The following MIB1 variants were observed in gnomAD, a reference collection of about 807,000 sequenced individuals.
MIB1 encodes MIB E3 ubiquitin protein ligase 1.
In MIB1, 278 loss-of-function variants were observed where a neutral mutation model predicts 124.5. That is an observed-to-expected ratio of 2.23 (90% CI 2.02 to 2.47). The LOEUF is 2.47. Ranked by LOEUF, MIB1 falls within the 30% of genes most tolerant of loss-of-function variation. The pLI is 0.00. For synonymous variants in MIB1, 446 were observed against 429.4 expected (o/e 1.04, Z -0.48); for missense variants, 957 against 1,254.4 (o/e 0.76, Z 3.58).
intron 20 of MIB1, among the ~76,000 whole-genome samples, chr18:21,864,171 C>T (rs528113335): frequency 2.6e-5 from 4 of 152,214 alleles, no homozygotes; most frequent in East Asian, 1.9e-4. Context: ...ATCACAGCGG[C>T]GCGATCTTGG....
At chr18:21,770,736 A>G (rs1875732404) in intron 3 of MIB1, among the ~76,000 whole-genome samples, 1 of 152,134 alleles carries the variant, frequency 6.6e-6, no homozygotes, top group African/African-American at 2.4e-5. Context: ...GCTCTTTATT[A>G]TGGAGTATTT....
intron 6 of MIB1, among the ~76,000 whole-genome samples, chr18:21,785,214 T>C (rs2041420940): frequency 6.6e-6 from 1 of 152,018 alleles, no homozygotes; most frequent in African/African-American, 2.4e-5. Context: ...CTCACACTCC[T>C]TACCCTGCCC....
chr18:21,800,105 T>A (rs188279383), intron 9 of MIB1, 131 bp downstream of exon 9: 1 of 671,250 alleles, frequency 1.5e-6, no homozygotes, highest in East Asian at 2.8e-5. Context: ...TGTGAAGTAT[T>A]TTAAAGCAGA....
In MIB1 at chr18:21,741,031, C is replaced by T. The variant is rs1320599071; in HGVS notation, c.-553C>T. ...TGGTGCGGGGGCAGAGAGAAGGGGG[C>T]CTGAGGGCCCGGGCGCTCGCCGGAC... is the stretch of plus-strand genomic sequence containing the variant. On this transcript the variant is annotated 5_prime_UTR_variant, in exon 1 of 21. Transcript: ENST00000261537. The surrounding 1 kb of genome is among the most constrained non-coding windows in gnomAD (Gnocchi z 5.4). 6.6e-6 allele frequency among the ~76,000 whole-genome samples: 1 copy of T among 152,070 alleles called. No individual in the cohort carries two copies. The highest frequency in any genetic ancestry group is 1.5e-5 in the Non-Finnish European group (1 of 67,972).
chr18:21,805,792 C>T (rs2041698101), intron 10 of MIB1, among the ~76,000 whole-genome samples: 1 of 151,310 alleles, frequency 6.6e-6, no homozygotes, highest in Non-Finnish European at 1.5e-5. Context: ...CATATATTTG[C>T]GTTTCTAGAG....
intron 6 of MIB1, among the ~76,000 whole-genome samples, chr18:21,781,388 TATATATATATATATATATATATATATAA>T (rs1282363108): frequency 1.1e-3 from 73 of 65,764 alleles, no homozygotes; most frequent in Middle Eastern, 0.018. Flanking sequence ...TATATATATA[TATATATATATATATATATATATATATAA>T]AATTATTATT....
At position 21,861,016 on chromosome 18, in the gene MIB1, A is replaced by T. The variant is rs2042272023; in HGVS notation, c.2880+2370A>T. 3.3e-5 allele frequency among the ~76,000 whole-genome samples: 5 copies of T among 152,182 alleles called. No individual in the cohort carries two copies. In the South Asian group the frequency reaches 1.0e-3, roughly 32 times the overall value. ...ACAGCGCCACTACACTCCATCCCAGACGGCAGAGTGAGAAACCATCTCTTT... is the reference window on the plus strand; with the variant it reads ...ACAGCGCCACTACACTCCATCCCAGTCGGCAGAGTGAGAAACCATCTCTTT... On this transcript the variant is annotated intron_variant, in intron 20 of 20. Transcript: ENST00000261537.
At chr18:21,715,664 A>T (rs193102364) in intron 1 of MIB1, among the ~76,000 whole-genome samples, 53 of 152,046 alleles carry the variant, frequency 3.5e-4, no homozygotes, top group Non-Finnish European at 1.9e-4. Flanking sequence ...TATCATAAAT[A>T]AAAAAAATCA....
Position 21,778,096 on chromosome 18 carries a change from T to A in MIB1, c.637-7T>A. 6.2e-7 allele frequency: 1 copy of A among 1,608,478 alleles called. No individual in the cohort carries two copies. The highest frequency in any genetic ancestry group is 8.5e-7 in the Non-Finnish European group (1 of 1,175,346). On this transcript the variant is annotated splice_region_variant and splice_polypyrimidine_tract_variant and intron_variant, in intron 4 of 20. Transcript: ENST00000261537. Reference sequence around the variant, plus strand: ...TGGGTGATTTTTCTGGTTTCTTTTCTTCTTAGTCTGATCTGAAATGTGTCC... The same window carrying A: ...TGGGTGATTTTTCTGGTTTCTTTTCATCTTAGTCTGATCTGAAATGTGTCC...
chr18:21,741,716 C>G lies in MIB1; in HGVS notation c.133C>G (p.Pro45Ala). 1 of 1,611,624 alleles carries G rather than the reference C, an allele frequency of 6.2e-7. No homozygotes were observed. Reference sequence around the variant, plus strand: ...GGGCACCGTCCGGAGCTTCGAGAGCCCCGAGGAGGTGGTGGTAGTGTGGGA... The same window carrying G: ...GGGCACCGTCCGGAGCTTCGAGAGCGCCGAGGAGGTGGTGGTAGTGTGGGA... ...HVGTVRSFES[P>A]EEVVVVWDNG... The change falls in exon 1 of 21, where the codon CCC becomes GCC. Residue 45 changes from proline to alanine, a missense_variant. By Grantham distance (27) the Pro-to-Ala change is conservative. Coordinates refer to ENST00000261537, the MANE Select transcript of MIB1 (RefSeq NM_020774.4). The surrounding 1 kb of genome is among the most constrained non-coding windows in gnomAD (Gnocchi z 5.4).
intron 8 of MIB1, among the ~76,000 whole-genome samples, 165 bp downstream of exon 8, chr18:21,798,393 T>G (rs905988930): frequency 2.6e-5 from 4 of 152,080 alleles, no homozygotes; most frequent in Non-Finnish European, 2.9e-5. Flanking sequence ...TCACTAAAAA[T>G]TTTTGTTTTT....
intron 1 of MIB1, among the ~76,000 whole-genome samples, chr18:21,717,639 G>GA (rs1239495383): frequency 6.6e-6 from 1 of 151,908 alleles, no homozygotes; most frequent in Non-Finnish European, 1.5e-5. Flanking sequence ...AAAAAAATAT[G>GA]AAAAAATCCT....
intron 1 of MIB1, among the ~76,000 whole-genome samples, chr18:21,756,934 A>G (rs754401723): frequency 3.3e-5 from 5 of 152,202 alleles, no homozygotes; most frequent in Non-Finnish European, 7.3e-5. Flanking sequence ...CTTGTAATAG[A>G]CTGGCAGAGG....
intron 1 of MIB1, among the ~76,000 whole-genome samples, chr18:21,733,058 A>G (rs886825196): frequency 6.6e-6 from 1 of 152,098 alleles, no homozygotes; most frequent in East Asian, 1.9e-4. Flanking sequence ...CTTGGTAGCC[A>G]TTGCTTTGAT....
chr18:21,844,147 CT>C lies in MIB1; in HGVS notation c.2108del (p.Leu703CysfsTer5). ...LDIQDKDGDT[P>X]LHEALRHHTL... ...ATTCAGGATAAGGATGGGGATACTCCTTTGCATGAAGCTCTAAGGCATCACA... is the reference window on the plus strand; with the variant it reads ...ATTCAGGATAAGGATGGGGATACTCCTTGCATGAAGCTCTAAGGCATCACA... On this transcript the variant is annotated frameshift_variant, in exon 15 of 21. Transcript: ENST00000261537. LOFTEE classifies it high-confidence loss of function. 2 of 1,614,048 alleles carry C rather than the reference CT, an allele frequency of 1.2e-6. No homozygotes were observed. The highest frequency in any genetic ancestry group is 1.7e-6 in the Non-Finnish European group (2 of 1,179,986).
intron 20 of MIB1, among the ~76,000 whole-genome samples, chr18:21,862,984 G>T (rs537615961): frequency 6.6e-6 from 1 of 151,976 alleles, no homozygotes; most frequent in African/African-American, 2.4e-5. Flanking sequence ...AGGTTTTTTT[G>T]TTTGTTTGTT....
intron 13 of MIB1, among the ~76,000 whole-genome samples, chr18:21,842,876 A>T (rs1163103366): frequency 1.3e-5 from 2 of 152,136 alleles, no homozygotes; most frequent in African/African-American, 2.4e-5. Flanking sequence ...TGTCCTTTTT[A>T]ACTGTTCTTG....
chr18:21,768,473 G>A (rs927687531), intron 2 of MIB1, 150 bp from the exon 3 acceptor site: 1 of 472,238 alleles, frequency 2.1e-6, no homozygotes. Flanking sequence ...GAATATAAAA[G>A]GTATTCCTGT....
At chr18:21,825,668 C>G in intron 12 of MIB1, 1 of 524,056 alleles carries the variant, frequency 1.9e-6, no homozygotes, top group Non-Finnish European at 3.9e-6. Flanking sequence ...TTGATATTCA[C>G]AAATGAAAAC....
Sources: gnomAD v4.1 joint callset for allele counts (sites outside exome capture counted in the v4.1 genomes callset) on GRCh38, gnomAD v4.1.1 for gene constraint, Gnocchi (gnomAD v3.1) non-coding constraint, MANE v1.5 for transcripts, NCBI Gene and HGNC (gene_info 2026-07-23, HGNC 2026-07-21) for gene names.